The following MIGA2 variants were observed in gnomAD, a reference collection of about 807,000 sequenced individuals.
MIGA2 encodes family with sequence similarity 73, member B.
Under a neutral mutation model 69.9 loss-of-function variants are expected in MIGA2, and 36 were observed. That is an observed-to-expected ratio of 0.52 (90% CI 0.39 to 0.68). The LOEUF (loss-of-function observed/expected upper bound fraction) is 0.68, where lower values mean the gene tolerates loss of function less well. Among genes scored for constraint, MIGA2 ranks in the 30% least tolerant of loss-of-function variants. The pLI, the probability that MIGA2 is intolerant of heterozygous loss-of-function variation, is 0.00. For missense variants in MIGA2, 660 were observed against 787.7 expected, an observed-to-expected ratio of 0.84 and a Z score of 1.94; for synonymous variants, 333 against 349.2, an observed-to-expected ratio of 0.95 and a Z score of 0.52.
chr9:129,039,175 T>TTGTGTGTGTG (rs61426484), intron 1 of MIGA2, among the ~76,000 whole-genome samples: 74 of 139,998 alleles, frequency 5.3e-4, no homozygotes, highest in South Asian at 2.1e-3. Context: ...AGCTCTTTGT[T>TTGTGTGTGTG]TGTGTGTGTG....
chr9:129,057,194 T>A (rs1325432287), intron 6 of MIGA2, among the ~76,000 whole-genome samples: 1 of 152,196 alleles, frequency 6.6e-6, no homozygotes, highest in African/African-American at 2.4e-5. Flanking sequence ...ATAGGGCACT[T>A]TCATTTGCAT....
chr9:129,050,031 C>T, intron 6 of MIGA2, 68 bp downstream of exon 6: 1 of 1,547,132 alleles, frequency 6.5e-7, no homozygotes, highest in Admixed American at 2.0e-5. Flanking sequence ...GGGGCGGCCA[C>T]ACCTTGGGAG....
Position 129,038,987 on chromosome 9 carries a change from G to A in MIGA2, c.-143-1465G>A, listed in dbSNP as rs113103978. 3.4e-3 allele frequency among the ~76,000 whole-genome samples: 511 copies of A among 151,360 alleles called. 1 individual carries two copies. Among genetic ancestry groups the A allele is most frequent in the African/African-American group, 0.012 (492 of 41,292 alleles). ...TTTTTGTATTTTTAGTAGAGACGGG[G>A]TTTCACCATGTTGACCAGGCCAGTC... On this transcript the variant is annotated intron_variant, in intron 1 of 15. Transcript: ENST00000684074.
intron 3 of MIGA2, 130 bp downstream of exon 3, chr9:129,042,644 T>A: frequency 1.1e-6 from 1 of 936,832 alleles, no homozygotes; most frequent in Non-Finnish European, 1.6e-6. Context: ...TCTCCTGATC[T>A]GTGAGCGGGA....
Position 129,069,185 on chromosome 9 carries a change from G to GGGAGC in MIGA2, c.1458+64_1458+68dup. On this transcript the variant is annotated intron_variant, in intron 14 of 15. Coordinates refer to ENST00000684074, the MANE Select transcript of MIGA2 (RefSeq NM_001329990.2). This position sits in a 1 kb window ranked among gnomAD's most constrained non-coding sequence, Gnocchi z 4.9. ...AGCTGGGCTCTGAGGCAGCGTGGTG[G>GGGAGC]GGAGCGGAGCGGGTGCAGGGTGGCT... 6.2e-7 allele frequency: 1 copy of GGGAGC among 1,609,678 alleles called. No homozygotes were observed. The highest frequency in any genetic ancestry group is 8.5e-7 in the Non-Finnish European group (1 of 1,177,550).
chr9:129,036,860 C>T (rs10513506), intron 1 of MIGA2, 179 bp downstream of exon 1: 59,694 of 834,670 alleles, frequency 0.072, 4,794 homozygotes, highest in African/African-American at 0.35. Flanking sequence ...TGCTTGGGAG[C>T]GGAACGAGAA....
chr9:129,063,655 G>GCCC, intron 11 of MIGA2, 24 bp downstream of exon 11: 19 of 645,612 alleles, frequency 2.9e-5, no homozygotes, highest in Non-Finnish European at 4.6e-5. Flanking sequence ...GGGTGGGGGG[G>GCCC]CAAATTATAA....
chr9:129,043,845 T>C (rs1296643168), intron 3 of MIGA2, among the ~76,000 whole-genome samples: 1 of 151,610 alleles, frequency 6.6e-6, no homozygotes, highest in African/African-American at 2.4e-5. Context: ...GGACAACAGG[T>C]GCGTGCCACC....
At position 129,059,080 on chromosome 9, in the gene MIGA2, TG is replaced by T. The variant is rs570909639; in HGVS notation, c.676-69del. 9.6e-6 allele frequency: 13 copies of T among 1,350,580 alleles called. No homozygotes were observed. The East Asian group carries it at 1.6e-4, about 17-fold the overall frequency. The allele number at this position is 1,350,580 out of a possible 1,614,324, so 83.7% of individuals were successfully genotyped here. A position where few individuals can be genotyped will look rare whatever the true frequency, so the allele number is the denominator to read the frequency against. On this transcript the variant is annotated intron_variant, in intron 6 of 15. Coordinates refer to ENST00000684074, the MANE Select transcript of MIGA2 (RefSeq NM_001329990.2). The surrounding 1 kb of genome is among the most constrained non-coding windows in gnomAD (Gnocchi z 5.6). ...AGCTCCTCCCCTTTCCCCAGGGACCTGGGGGTGAGGGAAGGGGCCATTTTCA... is the reference window on the plus strand; with the variant it reads ...AGCTCCTCCCCTTTCCCCAGGGACCTGGGGTGAGGGAAGGGGCCATTTTCA...
At chr9:129,070,048 G>C in intron 15 of MIGA2, 83 bp downstream of exon 15, 4 of 1,260,524 alleles carry the variant, frequency 3.2e-6, no homozygotes, top group Non-Finnish European at 4.5e-6. Flanking sequence ...TGGGATGAGG[G>C]CCTGGGCCTG....
intron 4 of MIGA2, 44 bp downstream of exon 4, chr9:129,048,583 T>C: frequency 1.3e-6 from 2 of 1,522,246 alleles, no homozygotes; most frequent in Non-Finnish European, 1.8e-6. Context: ...GGTCCGGGCT[T>C]ACCCCTGCTG....
intron 6 of MIGA2, among the ~76,000 whole-genome samples, chr9:129,051,091 CT>C (rs1845504618): frequency 6.6e-6 from 1 of 151,804 alleles, no homozygotes; most frequent in Admixed American, 6.6e-5. Flanking sequence ...TCAGGCTGGT[CT>C]CGAACTCCTG....
chr9:129,055,874 G>A (rs1294114015), intron 6 of MIGA2, among the ~76,000 whole-genome samples: 1 of 151,910 alleles, frequency 6.6e-6, no homozygotes, highest in African/African-American at 2.4e-5. Context: ...ATTTGGCCGG[G>A]TGCAGTAGCT....
chr9:129,069,880 C>T lies in MIGA2; in HGVS notation c.1490C>T (p.Ser497Phe), dbSNP rs1269582462. 1.9e-6 allele frequency: 3 copies of T among 1,613,840 alleles called. No homozygotes were observed. The African/African-American group carries it at 4.0e-5, about 22-fold the overall frequency. Residue 497 changes from serine to phenylalanine, a missense_variant, in exon 15 of 16, where the codon TCC becomes TTC. Around this residue, in one of 3 missense-constraint regions of MIGA2, gnomAD observed 220 missense variants for 301.7 expected, o/e 0.73. Transcript: ENST00000684074. The surrounding 1 kb of genome is among the most constrained non-coding windows in gnomAD (Gnocchi z 4.9). ...GATGGCTTCATCTCCCATTTCTACT[C>T]CGTATCGGAGCATGTGAGCCCTGTC... ...VPDGFISHFY[S>F]VSEHVSPVLA...
At chr9:129,066,505 T>G (rs1335670170) in intron 11 of MIGA2, among the ~76,000 whole-genome samples, 2 of 150,586 alleles carry the variant, frequency 1.3e-5, no homozygotes, top group African/African-American at 4.9e-5. Context: ...AAACCCCGTC[T>G]CTACTAAAAA....
rs1445464685 is a variant in MIGA2, at chr9:129,072,026, G to A, written c.*1573G>A. On this transcript the variant is annotated 3_prime_UTR_variant, in exon 16 of 16. Coordinates refer to ENST00000684074, the MANE Select transcript of MIGA2 (RefSeq NM_001329990.2). ...ATTGTCACAGCTTCGACTTTTGGAT[G>A]GTAGAGTGTGTGCACTGACTGTGAG... is the stretch of plus-strand genomic sequence containing the variant. 6.5e-6 allele frequency: 1 copy of A among 152,694 alleles called. No individual in the cohort carries two copies. Among genetic ancestry groups the A allele is most frequent in the Non-Finnish European group, 1.5e-5 (1 of 68,058 alleles). 9.5% of individuals were successfully genotyped at this position (152,694 alleles called of 1,614,324 possible).
At chr9:129,055,861 A>AG (rs959856785) in intron 6 of MIGA2, among the ~76,000 whole-genome samples, 35 of 151,962 alleles carry the variant, frequency 2.3e-4, no homozygotes, top group African/African-American at 7.7e-4. Flanking sequence ...AAAAAAAAAA[A>AG]AAATTTGGCC....
intron 11 of MIGA2, among the ~76,000 whole-genome samples, chr9:129,066,065 C>A (rs1447459054): frequency 1.3e-5 from 2 of 152,220 alleles, no homozygotes; most frequent in Admixed American, 1.3e-4. Flanking sequence ...GTTTACCTGG[C>A]AGTGAGCTCA....
rs1223139313 is a variant in MIGA2, at chr9:129,063,557, G to T, written c.1096G>T (p.Asp366Tyr). 6.4e-7 allele frequency: 1 copy of T among 1,554,060 alleles called. No homozygotes were observed. The highest frequency in any genetic ancestry group is 8.7e-7 in the Non-Finnish European group (1 of 1,143,594). ...CCTCCTTCCCTAGGGGCTTCTGGAA[G>T]ACAAGAGTAACCAGCTTTTCTTCGG... ...VRQAFEGLLE[D>Y]KSNQLFFGKV... is the part of the protein sequence containing the mutation. Residue 366 changes from aspartate (D) to tyrosine (Y), a missense_variant, in exon 11 of 16, where the codon GAC (aspartate) becomes TAC (tyrosine). Physicochemically the swap from Asp to Tyr is radical, Grantham distance 160. This residue lies in a region of MIGA2 where 386 missense variants were observed against 402.0 expected (regional missense o/e 0.96). Coordinates refer to ENST00000684074, the MANE Select transcript of MIGA2 (RefSeq NM_001329990.2).
Sources: allele counts gnomAD v4.1 joint callset (sites outside exome capture counted in the v4.1 genomes callset), GRCh38; gene constraint gnomAD v4.1.1; regional missense constraint gnomAD v4.1.1; non-coding constraint Gnocchi (gnomAD v3.1); transcripts MANE v1.5; gene names NCBI Gene and HGNC (gene_info 2026-07-23, HGNC 2026-07-21).